ALPK2: variants seen among roughly 807,000 people sequenced by gnomAD.
ALPK2 encodes alpha kinase 2.
In ALPK2, 127 loss-of-function variants were observed where a neutral mutation model predicts 163.1. That is an observed-to-expected ratio of 0.78 (90% CI 0.67 to 0.90). The LOEUF is 0.90. ALPK2 is among the 40% of genes least tolerant of loss of function. The pLI is 0.00. For missense variants in ALPK2, 2,360 were observed against 2,589.6 expected, an observed-to-expected ratio of 0.91 and a Z score of 1.92; for synonymous variants, 953 against 959.1, an observed-to-expected ratio of 0.99 and a Z score of 0.12.
chr18:58,553,850 G>GTTTTTT (rs71173061), intron 4 of ALPK2, among the ~76,000 whole-genome samples: 23 of 74,004 alleles, frequency 3.1e-4, no homozygotes, highest in Non-Finnish European at 4.1e-4. Context: ...TTTTTTTTTG[G>GTTTTTT]TTTTTTTTTT....
intron 12 of ALPK2, among the ~76,000 whole-genome samples, chr18:58,487,311 G>A (rs1453337646): frequency 6.6e-6 from 1 of 152,196 alleles, no homozygotes; most frequent in East Asian, 1.9e-4. Context: ...TTAAAGAGAT[G>A]CGTCTATCAG....
chr18:58,628,217 G>C (rs1278979648), intron 1 of ALPK2, among the ~76,000 whole-genome samples: 1 of 152,066 alleles, frequency 6.6e-6, no homozygotes, highest in Non-Finnish European at 1.5e-5. Flanking sequence ...TGAAAAGCCT[G>C]ATAGCTTTTC....
chr18:58,512,244 A>C lies in ALPK2; in HGVS notation c.6029+2749T>G, dbSNP rs923523624. On this transcript the variant is annotated intron_variant, in intron 10 of 12. Transcript: ENST00000361673. Reference sequence around the variant, plus strand: ...TTCTGCATCCCTGGTGGGGAAAAAAACCAGAAACAAGAGCTGGGCATTATT... The same window carrying C: ...TTCTGCATCCCTGGTGGGGAAAAAACCCAGAAACAAGAGCTGGGCATTATT... The C allele has an allele frequency of 4.6e-5, 7 of 152,228 alleles. 1 individual carries two copies. Among genetic ancestry groups the C allele is most frequent in the Admixed American group, 2.0e-4 (3 of 15,276 alleles). The allele number at this position is 152,228 out of a possible 1,614,324, so 9.4% of individuals were successfully genotyped here. A position where few individuals can be genotyped will look rare whatever the true frequency, so the allele number is the denominator to read the frequency against.
In ALPK2 at chr18:58,580,455, T is replaced by A. The variant is rs1162659730; in HGVS notation, c.321A>T (p.Ser107=). The A allele has an allele frequency of 1.7e-5, 27 of 1,614,200 alleles. No homozygotes were observed. Among genetic ancestry groups the A allele is most frequent in the Non-Finnish European group, 2.3e-5 (27 of 1,180,038 alleles). The change falls in exon 4 of 13, where the codon TCA becomes TCT. Residue 107 remains serine (S), a synonymous_variant. Coordinates refer to ENST00000361673, the MANE Select transcript of ALPK2 (RefSeq NM_052947.4). The part of the protein sequence containing the change: ...CCSASVEVEC[S]SENPQLSPNL... ...TAGGAGACAATTGTGGGTTCTCTGA[T>A]GAGCACTCAACCTCAACGGAAGCAG...
At position 58,578,736 on chromosome 18, in the gene ALPK2, A is replaced by ACACACACGCGCGCGCGCGCG. The variant is rs773192836; in HGVS notation, c.1962+77_1962+78insCGCGCGCGCGCGCGTGTGTG. 174 of 760,492 alleles carry ACACACACGCGCGCGCGCGCG rather than the reference A, an allele frequency of 2.3e-4. No individual in the cohort carries two copies. In the African/African-American group the frequency reaches 2.4e-3, roughly 10 times the overall value. The allele number at this position is 760,492 out of a possible 1,614,324, so 47.1% of individuals were successfully genotyped here. ...GTGAATGTGAAGTAAAGGAAGAGACACACACACACACACACACACACACAC... is the reference window on the plus strand; with the variant it reads ...GTGAATGTGAAGTAAAGGAAGAGACACACACACGCGCGCGCGCGCGCACACACACACACACACACACACAC... On this transcript the variant is annotated intron_variant, in intron 4 of 12. Transcript: ENST00000361673.
At chr18:58,611,328 T>A (rs961487367) in intron 2 of ALPK2, among the ~76,000 whole-genome samples, 1 of 151,438 alleles carries the variant, frequency 6.6e-6, no homozygotes, top group African/African-American at 2.4e-5. Flanking sequence ...TTCCATCAAT[T>A]TACCGAAAAA....
intron 6 of ALPK2, among the ~76,000 whole-genome samples, chr18:58,528,139 G>T (rs1472641984): frequency 6.6e-6 from 1 of 152,194 alleles, no homozygotes; most frequent in Non-Finnish European, 1.5e-5. Context: ...AAGAAAAGCT[G>T]CTTAAGGAAG....
chr18:58,579,578 A>G lies in ALPK2; in HGVS notation c.1198T>C (p.Phe400Leu). 6.2e-7 allele frequency: 1 copy of G among 1,613,688 alleles called. No individual in the cohort carries two copies. The highest frequency in any genetic ancestry group is 1.1e-5 in the South Asian group (1 of 91,068). The stretch of plus-strand genomic sequence containing the variant: ...TGGGGTTGTGAGTGATGACCACAGA[A>G]GCCAGCAGTGGCAACCATAGGCCCA... ...DAGPMVATAG[F>L]CGHHSQPQEV... is the part of the protein sequence containing the mutation. Residue 400 changes from phenylalanine to leucine, a missense_variant, in exon 4 of 13, where the codon TTC (phenylalanine) becomes CTC (leucine). Transcript: ENST00000361673.
At position 58,538,944 on chromosome 18, in the gene ALPK2, T is replaced by A. The variant is rs555238286; in HGVS notation, c.1963-720A>T. 2.7e-5 allele frequency among the ~76,000 whole-genome samples: 4 copies of A among 146,446 alleles called. No homozygotes were observed. In the East Asian group the frequency reaches 8.6e-4, roughly 31 times the overall value. On this transcript the variant is annotated intron_variant, in intron 4 of 12. Transcript: ENST00000361673. The stretch of plus-strand genomic sequence containing the variant: ...CCATACTATCTCTGAAAATGCCAGC[T>A]CCCCTCTGCCTCCCATCGTGAGTTG...
intron 4 of ALPK2, among the ~76,000 whole-genome samples, chr18:58,557,704 ATATTTTGTCATTGGAT>A (rs199873990): frequency 0.017 from 1,158 of 69,864 alleles, 10 homozygotes; most frequent in Middle Eastern, 0.056. Context: ...ATATATATTT[ATATTTTGTCATTGGAT>A]TGTATTTATA....
chr18:58,509,831 G>A (rs1274759283), intron 10 of ALPK2, among the ~76,000 whole-genome samples: 2 of 150,774 alleles, frequency 1.3e-5, no homozygotes, highest in Non-Finnish European at 3.0e-5. Context: ...CCATGCTGTA[G>A]GTTGCCTGTT....
chr18:58,534,496 TGAAAC>T (rs2051632230), intron 5 of ALPK2, among the ~76,000 whole-genome samples: 1 of 152,222 alleles, frequency 6.6e-6, no homozygotes, highest in Non-Finnish European at 1.5e-5. Context: ...AAGAGGATAA[TGAAAC>T]GGAAAAGCAC....
At chr18:58,610,417 A>T (rs986695239) in intron 2 of ALPK2, among the ~76,000 whole-genome samples, 2 of 152,118 alleles carry the variant, frequency 1.3e-5, no homozygotes, top group Non-Finnish European at 2.9e-5. Context: ...GGTACAAGAT[A>T]TCACTTCCCT....
chr18:58,500,122 T>A (rs959168356), intron 11 of ALPK2, among the ~76,000 whole-genome samples: 2 of 152,192 alleles, frequency 1.3e-5, no homozygotes, highest in Non-Finnish European at 2.9e-5. Flanking sequence ...CCAGTGACCA[T>A]TTTAAAAGTC....
At chr18:58,570,129 CAAA>C (rs11329554) in intron 4 of ALPK2, among the ~76,000 whole-genome samples, 38 of 125,414 alleles carry the variant, frequency 3.0e-4, no homozygotes, top group Admixed American at 3.2e-4. Context: ...GACTCCGTCT[CAAA>C]AAAAAAAAAA....
chr18:58,606,573 C>T (rs1412032053), intron 3 of ALPK2, among the ~76,000 whole-genome samples: 1 of 152,190 alleles, frequency 6.6e-6, no homozygotes, highest in African/African-American at 2.4e-5. Flanking sequence ...AATGGTAGAG[C>T]TGGAACTCAG....
rs751930846 is a variant in ALPK2 at position 58,481,377 on chromosome 18, C to G, written c.*446G>C. ...TTAGACACCAGTGGAACAACTTGAT[C>G]CAGTGAGCGAATTCGTGATTTCTGT... On this transcript the variant is annotated 3_prime_UTR_variant, in exon 13 of 13. Transcript: ENST00000361673. The G allele has an allele frequency of 2.4e-5, 4 of 169,846 alleles. No homozygotes were observed. The highest frequency in any genetic ancestry group is 5.8e-5 in the Admixed American group (1 of 17,246). 10.5% of individuals were successfully genotyped at this position (169,846 alleles called of 1,614,324 possible).
At position 58,573,348 on chromosome 18, in the gene ALPK2, A is replaced by ATATATATG. The variant is rs1568089424; in HGVS notation, c.1962+5465_1962+5466insCATATATA. Among the ~76,000 whole-genome samples, 74 of 138,898 alleles carry ATATATATG rather than the reference A, an allele frequency of 5.3e-4. 2 individuals carry two copies. Among genetic ancestry groups the ATATATATG allele is most frequent in the African/African-American group, 2.0e-3 (72 of 35,658 alleles). The allele number at this position is 138,898 out of a possible 152,430, so 91.1% of individuals were successfully genotyped here. A position where few individuals can be genotyped will look rare whatever the true frequency, so the allele number is the denominator to read the frequency against. ...TATGTATATATGTGTATATATATGTATATATATATGTGTGTGTATATATAT... is the reference window on the plus strand; with the variant it reads ...TATGTATATATGTGTATATATATGTATATATATGTATATATATGTGTGTGTATATATAT... On this transcript the variant is annotated intron_variant, in intron 4 of 12. Transcript: ENST00000361673.
intron 10 of ALPK2, among the ~76,000 whole-genome samples, chr18:58,509,346 G>A (rs1221946215): frequency 2.0e-5 from 3 of 152,022 alleles, no homozygotes; most frequent in Admixed American, 1.3e-4. Flanking sequence ...ATAAACATCC[G>A]TGTGCATGTG....
Sources: gnomAD v4.1 joint callset for allele counts (sites outside exome capture counted in the v4.1 genomes callset) on GRCh38, gnomAD v4.1.1 for gene constraint, MANE v1.5 for transcripts, NCBI Gene and HGNC (gene_info 2026-07-23, HGNC 2026-07-21) for gene names.